Variants in HECTD4 observed in about 807,000 individuals in gnomAD.
HECTD4 encodes the protein HECT domain E3 ubiquitin protein ligase 4, also known as probable E3 ubiquitin-protein ligase HECTD4.
HECTD4 carries 114 observed loss-of-function variants against 471.5 expected under a neutral mutation model. That is an observed-to-expected ratio of 0.24 (90% CI 0.21 to 0.28). HECTD4 has a LOEUF of 0.28. Ranked by LOEUF, HECTD4 falls within the 10% of genes least tolerant of loss-of-function variation. The pLI, the probability that HECTD4 is intolerant of heterozygous loss-of-function variation, is 1.00. For synonymous variants in HECTD4, 2,012 were observed against 2,256.0 expected, an observed-to-expected ratio of 0.89 and a Z score of 3.07; for missense variants, 3,866 against 5,651.5, an observed-to-expected ratio of 0.68 and a Z score of 10.13.
intron 48 of HECTD4, among the ~76,000 whole-genome samples, chr12:112,214,081 GC>G (rs2135547206): frequency 6.6e-6 from 1 of 152,162 alleles, no homozygotes; most frequent in East Asian, 1.9e-4. Context: ...TACAATGTAA[GC>G]TAAAGATAGA....
chr12:112,232,460 G>GTTTTTTC (rs755456239), intron 38 of HECTD4, among the ~76,000 whole-genome samples: 21 of 152,244 alleles, frequency 1.4e-4, no homozygotes, highest in Non-Finnish European at 3.1e-4. Context: ...ACAAAACTGT[G>GTTTTTTC]AAGAACACCC....
chr12:112,341,982 T>C (rs2036061610), intron 1 of HECTD4, among the ~76,000 whole-genome samples: 1 of 152,216 alleles, frequency 6.6e-6, no homozygotes, highest in African/African-American at 2.4e-5. Flanking sequence ...GGTTTGCTCA[T>C]CCATTTTCCT....
intron 1 of HECTD4, among the ~76,000 whole-genome samples, chr12:112,359,732 T>C (rs2135746752): frequency 1.3e-5 from 2 of 152,172 alleles, no homozygotes; most frequent in East Asian, 3.9e-4. Context: ...ATTTTTTTTT[T>C]TTAATAGACA....
chr12:112,210,086 G>A lies in HECTD4; in HGVS notation c.7796C>T (p.Thr2599Ile). ...MASDSDNDAG[T>I]SIASDPGTHG... The stretch of plus-strand genomic sequence containing the variant: ...AGTGCCTGGGTCTGATGCAATACTG[G>A]TGCCAGCATCATTGTCACTGTCAGA... Residue 2599 changes from threonine (T) to isoleucine (I), a missense_variant, in exon 50 of 76, where the codon ACC becomes ATC. Physicochemically the swap from Thr to Ile is moderately conservative, Grantham distance 89. Transcript: ENST00000682272. 1 of 1,614,020 alleles carries A rather than the reference G, an allele frequency of 6.2e-7. No individual in the cohort carries two copies. Among genetic ancestry groups the A allele is most frequent in the Non-Finnish European group, 8.5e-7 (1 of 1,179,884 alleles).
intron 23 of HECTD4, 89 bp from the exon 24 acceptor site, chr12:112,251,223 C>T: frequency 7.7e-7 from 1 of 1,299,554 alleles, no homozygotes; most frequent in East Asian, 2.3e-5. Context: ...CTGTCCCCAA[C>T]CACAGGGTTC....
rs765631276 is a variant in HECTD4, at chr12:112,258,460, A to T, written c.3128+36T>A. ...ACTACGCTTTCACCCAAAGAAAACAAGAAAAGGGTTCCTGCAAGGAAGCAG... is the reference window on the plus strand; with the variant it reads ...ACTACGCTTTCACCCAAAGAAAACATGAAAAGGGTTCCTGCAAGGAAGCAG... On this transcript the variant is annotated intron_variant, in intron 20 of 75. Transcript: ENST00000682272. 6.2e-6 allele frequency: 9 copies of T among 1,456,036 alleles called. No homozygotes were observed. In the East Asian group the frequency reaches 2.2e-4, roughly 36 times the overall value. The allele number at this position is 1,456,036 out of a possible 1,614,324, so 90.2% of individuals were successfully genotyped here.
At chr12:112,191,055 A>T in intron 59 of HECTD4, 90 bp from the exon 60 acceptor site, 1 of 1,136,260 alleles carries the variant, frequency 8.8e-7, no homozygotes, top group Non-Finnish European at 1.2e-6. Flanking sequence ...GTGCATGTAG[A>T]AACAGGGCTG....
intron 1 of HECTD4, among the ~76,000 whole-genome samples, chr12:112,338,324 G>A (rs1172097843): frequency 6.6e-6 from 1 of 152,076 alleles, no homozygotes; most frequent in African/African-American, 2.4e-5. Flanking sequence ...TCTTGCATTG[G>A]TATAAAGAAA....
At chr12:112,278,289 C>T (rs963148390) in intron 9 of HECTD4, among the ~76,000 whole-genome samples, 2 of 151,976 alleles carry the variant, frequency 1.3e-5, no homozygotes, top group Admixed American at 6.6e-5. Context: ...ACTCTGTGAA[C>T]ATATTAAAAA....
chr12:112,352,701 G>A (rs1413796575), intron 1 of HECTD4, among the ~76,000 whole-genome samples: 1 of 151,856 alleles, frequency 6.6e-6, no homozygotes, highest in Non-Finnish European at 1.5e-5. Context: ...CAACCTCCTG[G>A]GCTCAAGCAA....
chr12:112,338,665 C>T (rs374948772), intron 1 of HECTD4, among the ~76,000 whole-genome samples: 6 of 151,978 alleles, frequency 3.9e-5, no homozygotes, highest in East Asian at 3.9e-4. Flanking sequence ...ACCTGAGACT[C>T]GGTAATTTAT....
intron 1 of HECTD4, among the ~76,000 whole-genome samples, chr12:112,357,467 T>G (rs2036362252): frequency 6.6e-6 from 1 of 152,092 alleles, no homozygotes; most frequent in Non-Finnish European, 1.5e-5. Context: ...AGGTTGAGGT[T>G]GCAGTGAGCT....
chr12:112,311,249 C>T (rs1186741831), intron 4 of HECTD4, among the ~76,000 whole-genome samples: 1 of 149,884 alleles, frequency 6.7e-6, no homozygotes, highest in South Asian at 2.1e-4. Flanking sequence ...GCGACAAGAG[C>T]GAAGCTCTGT....
chr12:112,368,467 A>G (rs2036608364), intron 1 of HECTD4, among the ~76,000 whole-genome samples: 1 of 152,236 alleles, frequency 6.6e-6, no homozygotes, highest in Admixed American at 6.5e-5. Flanking sequence ...TTCGCTTCCT[A>G]TAAATTGATA....
chr12:112,331,056 G>C (rs1040045245), intron 1 of HECTD4, among the ~76,000 whole-genome samples: 1 of 151,994 alleles, frequency 6.6e-6, no homozygotes, highest in African/African-American at 2.4e-5. Context: ...CGGTTTTTTT[G>C]TTCTGGTGTG....
chr12:112,370,167 G>A (rs140642709), intron 1 of HECTD4, among the ~76,000 whole-genome samples: 1 of 152,256 alleles, frequency 6.6e-6, no homozygotes, highest in Non-Finnish European at 1.5e-5. Context: ...AACATACTCT[G>A]AAGATGGAGG....
At chr12:112,273,929 G>T (rs770484580) in intron 10 of HECTD4, 134 bp from the exon 11 acceptor site, 8 of 961,876 alleles carry the variant, frequency 8.3e-6, no homozygotes, top group Non-Finnish European at 1.0e-5. Flanking sequence ...TAGTCCCACA[G>T]ATTTATTTGG....
chr12:112,363,818 T>TA (rs1555261324), intron 1 of HECTD4, among the ~76,000 whole-genome samples: 4 of 149,446 alleles, frequency 2.7e-5, no homozygotes, highest in African/African-American at 9.8e-5. Context: ...CTACTAAAAA[T>TA]AAAAAAATTA....
At chr12:112,329,369 T>A (rs1489014383) in intron 1 of HECTD4, among the ~76,000 whole-genome samples, 1 of 125,196 alleles carries the variant, frequency 8.0e-6, no homozygotes. Context: ...TTGGGTTTTT[T>A]GTTTTTTTTT....
Sources: gnomAD v4.1 joint callset for allele counts (sites outside exome capture counted in the v4.1 genomes callset) on GRCh38, gnomAD v4.1.1 for gene constraint, MANE v1.5 for transcripts, NCBI Gene and HGNC (gene_info 2026-07-23, HGNC 2026-07-21) for gene names.